Variants in CCDC3 observed in about 807,000 individuals in gnomAD.
The protein encoded by CCDC3 is coiled-coil domain containing 3.
In CCDC3, 24 loss-of-function variants were observed where a neutral mutation model predicts 21.4. That is an observed-to-expected ratio of 1.12 (90% CI 0.81 to 1.58). The LOEUF is 1.58. Ranked by LOEUF, CCDC3 falls within the 40% of genes most tolerant of loss-of-function variation. The pLI is 0.00. For synonymous variants in CCDC3, 186 were observed against 166.0 expected (o/e 1.12, Z -0.93); for missense variants, 425 against 360.9 (o/e 1.18, Z -1.44).
At chr10:12,917,280 G>A (rs1042111073) in intron 2 of CCDC3, among the ~76,000 whole-genome samples, 10 of 140,054 alleles carry the variant, frequency 7.1e-5, no homozygotes, top group Non-Finnish European at 1.5e-4. Flanking sequence ...TGCAAGCTCC[G>A]CCTCCCGGGT....
intron 5 of CCDC3, among the ~76,000 whole-genome samples, chr10:13,038,330 G>A (rs1408664689): frequency 1.4e-5 from 2 of 146,236 alleles, no homozygotes; most frequent in East Asian, 2.0e-4. Flanking sequence ...CTATGTAAAT[G>A]TGCACATCCT....
intron 4 of CCDC3, chr10:13,058,107 T>A: frequency 2.5e-6 from 2 of 804,394 alleles, no homozygotes; most frequent in Admixed American, 1.7e-5. Flanking sequence ...ACTTCTGCAA[T>A]AAATTCCTTG....
intron 5 of CCDC3, among the ~76,000 whole-genome samples, chr10:13,011,906 C>G (rs1835988440): frequency 6.6e-6 from 1 of 152,142 alleles, no homozygotes; most frequent in African/African-American, 2.4e-5. Flanking sequence ...CACCTACAAC[C>G]ATCTGATCTT....
At chr10:12,948,685 A>G (rs573294100) in intron 2 of CCDC3, among the ~76,000 whole-genome samples, 5 of 151,618 alleles carry the variant, frequency 3.3e-5, no homozygotes, top group African/African-American at 9.7e-5. Context: ...TGACCAACTG[A>G]AGACGAAAAG....
At chr10:13,026,867 C>T (rs1016335549) in intron 5 of CCDC3, among the ~76,000 whole-genome samples, 8 of 151,740 alleles carry the variant, frequency 5.3e-5, no homozygotes, top group African/African-American at 1.9e-4. Context: ...AGCCAGTGAT[C>T]TTAACAGAGC....
At chr10:13,016,183 G>A (rs1836056257) in intron 5 of CCDC3, among the ~76,000 whole-genome samples, 1 of 151,778 alleles carries the variant, frequency 6.6e-6, no homozygotes, top group African/African-American at 2.4e-5. Flanking sequence ...TTCTCCCAGT[G>A]GCAACCGAGT....
intron 2 of CCDC3, among the ~76,000 whole-genome samples, chr10:12,908,381 T>A (rs1473737438): frequency 6.6e-6 from 1 of 152,036 alleles, no homozygotes; most frequent in Non-Finnish European, 1.5e-5. Context: ...ATCTCCAACA[T>A]GCAGCAAGAA....
At chr10:13,009,960 T>C (rs1835965310) in intron 5 of CCDC3, among the ~76,000 whole-genome samples, 1 of 152,164 alleles carries the variant, frequency 6.6e-6, no homozygotes. Flanking sequence ...CAAAACTGAA[T>C]GATATAGCTG....
chr10:12,910,594 CAAA>C (rs61243830), intron 2 of CCDC3, among the ~76,000 whole-genome samples: 22 of 91,128 alleles, frequency 2.4e-4, no homozygotes, highest in East Asian at 9.4e-4. Flanking sequence ...CTAGTCAGAG[CAAA>C]AAAAAAAAAA....
rs1835794957 is a variant in CCDC3 at position 12,998,390 on chromosome 10, C to A, written c.497G>T (p.Gly166Val). The A allele has an allele frequency of 1.9e-6, 3 of 1,614,102 alleles. No homozygotes were observed. The highest frequency in any genetic ancestry group is 2.5e-6 in the Non-Finnish European group (3 of 1,180,014). ...ACTGGAGAAAGTCGCCAGCTGCTGC[C>A]CTTGCGAACAGTTTGAAAACTGGAA... is the stretch of plus-strand genomic sequence containing the variant. ...SLFQFSNCSQ[G>V]QQLATFSSDW... Residue 166 changes from glycine to valine, a missense_variant, in exon 2 of 3, where the codon GGG (glycine) becomes GTG (valine). Transcript: ENST00000378825.
chr10:12,950,670 C>T (rs1278684687), intron 2 of CCDC3, among the ~76,000 whole-genome samples: 5 of 152,180 alleles, frequency 3.3e-5, no homozygotes, highest in Non-Finnish European at 5.9e-5. Flanking sequence ...ACTGTTAGAA[C>T]ACAGAAGGCA....
intron 4 of CCDC3, chr10:13,058,266 G>A: frequency 1.5e-6 from 2 of 1,374,236 alleles, no homozygotes; most frequent in South Asian, 1.2e-5. Context: ...GCACCTGGCT[G>A]ACCATCAATG....
At chr10:12,913,171 C>G (rs1334035556) in intron 2 of CCDC3, among the ~76,000 whole-genome samples, 1 of 152,124 alleles carries the variant, frequency 6.6e-6, no homozygotes, top group Non-Finnish European at 1.5e-5. Context: ...ATCTGTAGAT[C>G]ACTCTGGTAG....
intron 2 of CCDC3, among the ~76,000 whole-genome samples, chr10:12,919,389 C>T (rs993349223): frequency 2.5e-4 from 38 of 151,918 alleles, no homozygotes; most frequent in Admixed American, 2.3e-3. Flanking sequence ...CAAGAGTTTG[C>T]CATCAGCCTG....
At chr10:12,933,056 T>A (rs566959769) in intron 2 of CCDC3, among the ~76,000 whole-genome samples, 1 of 152,356 alleles carries the variant, frequency 6.6e-6, no homozygotes, top group South Asian at 2.1e-4. Context: ...TGGATTTGAT[T>A]TGCAAACAGC....
At chr10:12,948,792 GCC>G (rs1834964444) in intron 2 of CCDC3, among the ~76,000 whole-genome samples, 1 of 136,724 alleles carries the variant, frequency 7.3e-6, no homozygotes, top group Non-Finnish European at 1.5e-5. Flanking sequence ...GACTGCAGTG[GCC>G]TATCTCGGCT....
intron 2 of CCDC3, among the ~76,000 whole-genome samples, chr10:12,955,545 G>A (rs1245250914): frequency 6.6e-6 from 1 of 152,100 alleles, no homozygotes; most frequent in Admixed American, 6.6e-5. Context: ...CCCAGGTTCA[G>A]TAACTTCATA....
intron 3 of CCDC3, among the ~76,000 whole-genome samples, chr10:13,090,084 T>C (rs1420173056): frequency 7.2e-6 from 1 of 139,542 alleles, no homozygotes; most frequent in Non-Finnish European, 1.5e-5. Context: ...TATATCACCG[T>C]TTCTTTCTTT....
At chr10:12,959,543 C>G (rs1215079773) in intron 2 of CCDC3, among the ~76,000 whole-genome samples, 1 of 152,118 alleles carries the variant, frequency 6.6e-6, no homozygotes, top group African/African-American at 2.4e-5. Context: ...CCAACAATTA[C>G]TAATTACCCA....
Sources: allele counts gnomAD v4.1 joint callset (sites outside exome capture counted in the v4.1 genomes callset), GRCh38; gene constraint gnomAD v4.1.1; transcripts MANE v1.5; gene names NCBI Gene and HGNC (gene_info 2026-07-23, HGNC 2026-07-21).